Variants in STIM1 observed in about 807,000 individuals in gnomAD.
The protein encoded by STIM1 is stromal interaction molecule 1.
Under a neutral mutation model 74.7 loss-of-function variants are expected in STIM1, and 25 were observed. That is an observed-to-expected ratio of 0.33 (90% confidence interval 0.24 to 0.47). The LOEUF is 0.47. STIM1 is among the 20% of genes least tolerant of loss of function. The pLI, the probability that STIM1 is intolerant of heterozygous loss-of-function variation, is 1.00. For missense variants in STIM1, 728 were observed against 920.8 expected (o/e 0.79, Z 2.71); for synonymous variants, 328 against 348.8 (o/e 0.94, Z 0.66).
intron 1 of STIM1, among the ~76,000 whole-genome samples, chr11:3,956,405 A>C (rs2093213013): frequency 6.6e-6 from 1 of 152,202 alleles, no homozygotes; most frequent in Non-Finnish European, 1.5e-5. Flanking sequence ...TAGGAAGGTT[A>C]GGGAAAAAAT....
intron 7 of STIM1, among the ~76,000 whole-genome samples, chr11:4,080,891 A>C (rs1393304502): frequency 6.6e-6 from 1 of 152,018 alleles, no homozygotes; most frequent in East Asian, 1.9e-4. Context: ...CCATTCCTTA[A>C]ACTGCTTTTA....
chr11:3,933,233 G>T (rs920057060), intron 1 of STIM1, among the ~76,000 whole-genome samples: 3 of 152,184 alleles, frequency 2.0e-5, no homozygotes, highest in African/African-American at 7.2e-5. Context: ...TTGTGAATGG[G>T]ACCACGTTTC....
At chr11:3,910,462 C>T (rs1312986199) in intron 1 of STIM1, among the ~76,000 whole-genome samples, 2 of 152,136 alleles carry the variant, frequency 1.3e-5, no homozygotes, top group Non-Finnish European at 2.9e-5. Context: ...GGCATGGTGG[C>T]ACCTGCTTGC....
chr11:4,068,777 A>T (rs1170844579), intron 5 of STIM1, among the ~76,000 whole-genome samples: 2 of 152,182 alleles, frequency 1.3e-5, no homozygotes. Context: ...TCTGCTGCTC[A>T]GCCTTTCTGT....
chr11:3,865,039 G>T (rs1228135140), intron 1 of STIM1, among the ~76,000 whole-genome samples: 1 of 152,094 alleles, frequency 6.6e-6, no homozygotes, highest in Non-Finnish European at 1.5e-5. Context: ...CTATTCTGGA[G>T]CCCATTGTAC....
chr11:4,024,387 TG>T (rs767806467), intron 3 of STIM1, among the ~76,000 whole-genome samples: 1 of 152,146 alleles, frequency 6.6e-6, no homozygotes, highest in Non-Finnish European at 1.5e-5. Flanking sequence ...ATTCAAAGAT[TG>T]GGTGAGGGTA....
At chr11:3,860,841 G>A (rs1212721080) in intron 1 of STIM1, among the ~76,000 whole-genome samples, 1 of 152,186 alleles carries the variant, frequency 6.6e-6, no homozygotes, top group Non-Finnish European at 1.5e-5. Context: ...CACTGTGGAA[G>A]GAACTTAGGG....
intron 3 of STIM1, among the ~76,000 whole-genome samples, chr11:4,029,764 TCTTA>T (rs2094032373): frequency 6.6e-6 from 1 of 152,226 alleles, no homozygotes; most frequent in African/African-American, 2.4e-5. Context: ...TAAATAATTA[TCTTA>T]CTTGCTTTAA....
At chr11:4,079,222 C>T (rs903332927) in intron 7 of STIM1, among the ~76,000 whole-genome samples, 7 of 151,834 alleles carry the variant, frequency 4.6e-5, no homozygotes, top group East Asian at 1.9e-4. Context: ...ACCTGGGAGG[C>T]GGAGCTTGCA....
At chr11:4,046,971 A>G (rs981870030) in intron 3 of STIM1, among the ~76,000 whole-genome samples, 1 of 152,092 alleles carries the variant, frequency 6.6e-6, no homozygotes, top group Admixed American at 6.6e-5. Context: ...GTTTTTTGAC[A>G]AGCATTTCAG....
At position 3,856,175 on chromosome 11, in the gene STIM1, G is replaced by C; in HGVS notation, c.-96G>C. On this transcript the variant is annotated 5_prime_UTR_variant, in exon 1 of 13. Transcript: ENST00000526596. ...AGCTGCGGAGCCGCGAGGGCATCTT[G>C]CCTGGAGACCGTCGGCTGCACTCCC... 6.4e-7 allele frequency: 1 copy of C among 1,555,660 alleles called. No individual in the cohort carries two copies. Among genetic ancestry groups the C allele is most frequent in the Non-Finnish European group, 8.8e-7 (1 of 1,134,408 alleles).
chr11:3,895,841 C>A (rs1207712368), intron 1 of STIM1, among the ~76,000 whole-genome samples: 1 of 111,496 alleles, frequency 9.0e-6, no homozygotes, highest in African/African-American at 4.3e-5. Context: ...TTCTTTCTTT[C>A]TCTTTCTTTC....
chr11:4,080,529 C>T (rs1261058399), intron 7 of STIM1, among the ~76,000 whole-genome samples: 3 of 145,704 alleles, frequency 2.1e-5, no homozygotes, highest in Admixed American at 7.2e-5. Context: ...TGTGGTAGCA[C>T]GATCTTGGCT....
At chr11:3,951,993 A>G (rs2093154777) in intron 1 of STIM1, among the ~76,000 whole-genome samples, 1 of 152,158 alleles carries the variant, frequency 6.6e-6, no homozygotes, top group African/African-American at 2.4e-5. Context: ...AACCTGGGAT[A>G]GCAAATCTTC....
intron 6 of STIM1, among the ~76,000 whole-genome samples, chr11:4,074,136 C>G (rs1202749586): frequency 6.6e-6 from 1 of 152,182 alleles, no homozygotes; most frequent in Non-Finnish European, 1.5e-5. Context: ...CTGTATCTGC[C>G]TGTCCCAGGC....
chr11:4,021,382 T>C (rs1191107141), intron 2 of STIM1, among the ~76,000 whole-genome samples: 2 of 152,348 alleles, frequency 1.3e-5, no homozygotes, highest in East Asian at 3.9e-4. Context: ...TGCCTTGGCC[T>C]CCCAAAGTGC....
At chr11:3,897,125 A>G (rs1396780998) in intron 1 of STIM1, among the ~76,000 whole-genome samples, 8 of 152,192 alleles carry the variant, frequency 5.3e-5, no homozygotes. Flanking sequence ...TATTTCTTTC[A>G]GGCCCAAGAT....
intron 1 of STIM1, among the ~76,000 whole-genome samples, chr11:3,893,742 T>C (rs201090806): frequency 6.6e-6 from 1 of 151,946 alleles, no homozygotes. Flanking sequence ...CTGCAACCTC[T>C]GCCTCCCGGG....
intron 3 of STIM1, among the ~76,000 whole-genome samples, chr11:4,032,751 T>A (rs1465472792): frequency 6.6e-6 from 1 of 152,258 alleles, no homozygotes; most frequent in East Asian, 1.9e-4. Context: ...GATTTATCAC[T>A]AAGTAGTTCA....
Sources: gnomAD v4.1 joint callset for allele counts (sites outside exome capture counted in the v4.1 genomes callset) on GRCh38, gnomAD v4.1.1 for gene constraint, MANE v1.5 for transcripts, NCBI Gene and HGNC (gene_info 2026-07-23, HGNC 2026-07-21) for gene names.